The following RLF variants were observed in gnomAD, a reference collection of about 807,000 sequenced individuals.
RLF encodes RLF zinc finger.
Under a neutral mutation model 162.9 loss-of-function variants are expected in RLF, and 7 were observed. The observed-to-expected ratio is 0.04, with a 90% CI of 0.02 to 0.08. The LOEUF (loss-of-function observed/expected upper bound fraction) is 0.08, where lower values mean the gene tolerates loss of function less well. Ranked by LOEUF, RLF falls within the 10% of genes least tolerant of loss-of-function variation. RLF has a pLI of 1.00. For synonymous variants in RLF, 782 were observed against 791.5 expected, an observed-to-expected ratio of 0.99 and a Z score of 0.20; for missense variants, 1,664 against 2,244.7, an observed-to-expected ratio of 0.74 and a Z score of 5.23.
At position 40,175,678 on chromosome 1, in the gene RLF, C is replaced by T. The variant is rs555168642; in HGVS notation, c.238-13377C>T. Reference sequence around the variant, plus strand: ...AAATAATAATAATTCTCATTCTATTCGGGAGGCTGAGGCAGGAGAATCTCT... The same window carrying T: ...AAATAATAATAATTCTCATTCTATTTGGGAGGCTGAGGCAGGAGAATCTCT... On this transcript the variant is annotated intron_variant, in intron 1 of 7. Transcript: ENST00000372771. Among the ~76,000 whole-genome samples, 446 of 147,792 alleles carry T rather than the reference C, an allele frequency of 3.0e-3. 2 individuals carry two copies. The highest frequency in any genetic ancestry group is 0.011 in the African/African-American group (432 of 40,094).
intron 1 of RLF, among the ~76,000 whole-genome samples, chr1:40,178,177 A>C (rs1274182882): frequency 6.6e-6 from 1 of 152,078 alleles, no homozygotes; most frequent in Non-Finnish European, 1.5e-5. Context: ...ATTTGTTGAA[A>C]ACCTATCCTT....
Position 40,237,295 on chromosome 1 carries a change from C to A in RLF, c.2593C>A (p.His865Asn). 1 of 1,614,058 alleles carries A rather than the reference C, an allele frequency of 6.2e-7. No individual in the cohort carries two copies. The highest frequency in any genetic ancestry group is 8.5e-7 in the Non-Finnish European group (1 of 1,179,990). ...TCTACTTAACCAAACTGATAAATCA[C>A]ATTTACCTGAAGATCTTTTCTGTGC... is the stretch of plus-strand genomic sequence containing the variant. ...PHLLNQTDKS[H>N]LPEDLFCAES... The change falls in exon 8 of 8, where the codon CAT (histidine) becomes AAT (asparagine). Residue 865 changes from histidine to asparagine, a missense_variant. By Grantham distance (68) the His-to-Asn change is moderately conservative (BLOSUM62 1). Coordinates refer to ENST00000372771, the MANE Select transcript of RLF (RefSeq NM_012421.4). The surrounding 1 kb of genome is among the most constrained non-coding windows in gnomAD (Gnocchi z 4.4).
chr1:40,238,315 A>G lies in RLF; in HGVS notation c.3613A>G (p.Lys1205Glu). 6.2e-7 allele frequency: 1 copy of G among 1,614,208 alleles called. No individual in the cohort carries two copies. Among genetic ancestry groups the G allele is most frequent in the Non-Finnish European group, 8.5e-7 (1 of 1,180,016 alleles). Reference sequence around the variant, plus strand: ...AATTGGCAGTGACAGAGCAACTCACAAACTATTAGATAATGAAAAGTGTGA... The same window carrying G: ...AATTGGCAGTGACAGAGCAACTCACGAACTATTAGATAATGAAAAGTGTGA... ...HQIGSDRATH[K>E]LLDNEKCDHE... Residue 1205 changes from lysine (K) to glutamate (E), a missense_variant, in exon 8 of 8, where the codon AAA (lysine) becomes GAA (glutamate). Lys to Glu is a moderately conservative substitution (Grantham distance 56, BLOSUM62 1). Coordinates refer to ENST00000372771, the MANE Select transcript of RLF (RefSeq NM_012421.4). This position sits in a 1 kb window ranked among gnomAD's most constrained non-coding sequence, Gnocchi z 5.2.
intron 1 of RLF, among the ~76,000 whole-genome samples, chr1:40,182,747 A>G (rs1311060454): frequency 1.8e-5 from 2 of 112,590 alleles, no homozygotes; most frequent in East Asian, 2.9e-4. Flanking sequence ...ATAGACAGAT[A>G]GATAGGTAGA....
In RLF at chr1:40,237,538, G is replaced by A; in HGVS notation, c.2836G>A (p.Ala946Thr). ...SSLKEKCSSM[A>T]VCFDGTKFTC... ...TTTAAAAGAAAAATGTTCCAGTATG[G>A]CAGTTTGTTTTGACGGGACTAAGTT... is the stretch of plus-strand genomic sequence containing the variant. Residue 946 changes from alanine (A) to threonine (T), a missense_variant, in exon 8 of 8, where the codon GCA becomes ACA. Transcript: ENST00000372771. This position sits in a 1 kb window ranked among gnomAD's most constrained non-coding sequence, Gnocchi z 4.4. The A allele has an allele frequency of 6.2e-7, 1 of 1,614,056 alleles. No homozygotes were observed. The highest frequency in any genetic ancestry group is 8.5e-7 in the Non-Finnish European group (1 of 1,180,012).
At chr1:40,163,964 A>T (rs1176326298) in intron 1 of RLF, among the ~76,000 whole-genome samples, 2 of 152,226 alleles carry the variant, frequency 1.3e-5, no homozygotes, top group African/African-American at 4.8e-5. Context: ...AGAAGCAGGA[A>T]AATTTTCACC....
intron 5 of RLF, among the ~76,000 whole-genome samples, chr1:40,211,413 A>C (rs1421403354): frequency 3.9e-5 from 6 of 152,242 alleles, no homozygotes; most frequent in Non-Finnish European, 8.8e-5. Context: ...AGACATTGAT[A>C]AGCCATGGTC....
chr1:40,189,611 A>G (rs553813460), intron 2 of RLF, among the ~76,000 whole-genome samples: 2 of 152,328 alleles, frequency 1.3e-5, no homozygotes, highest in South Asian at 4.1e-4. Context: ...ATATCAGGGT[A>G]CAGTATAAGA....
At position 40,189,055 on chromosome 1, in the gene RLF, A is replaced by G; in HGVS notation, c.238A>G (p.Thr80Ala). ...SLNYCRSFCQ[T>A]LLQYASNKNA... ...AATAATTTTTAATTTTATTTTGTAG[A>G]CCTTATTGCAATATGCAAGCAACAA... Residue 80 changes from threonine to alanine, a missense_variant and splice_region_variant, in exon 2 of 8, where the codon ACC becomes GCC. By Grantham distance (58) the Thr-to-Ala change is moderately conservative. Coordinates refer to ENST00000372771, the MANE Select transcript of RLF (RefSeq NM_012421.4). The G allele has an allele frequency of 1.3e-6, 2 of 1,545,088 alleles. No homozygotes were observed. The highest frequency in any genetic ancestry group is 1.8e-6 in the Non-Finnish European group (2 of 1,138,204).
rs765630745 is a variant in RLF, at chr1:40,239,563, G to C, written c.4861G>C (p.Glu1621Gln). 3.7e-6 allele frequency: 6 copies of C among 1,614,016 alleles called. No individual in the cohort carries two copies. In the South Asian group the frequency reaches 6.6e-5, roughly 18 times the overall value. Residue 1621 changes from glutamate (E) to glutamine (Q), a missense_variant, in exon 8 of 8, where the codon GAG becomes CAG. By Grantham distance (29) the Glu-to-Gln change is conservative (BLOSUM62 2). Coordinates refer to ENST00000372771, the MANE Select transcript of RLF (RefSeq NM_012421.4). ...KKEENRSCESERTEHSHSPGD... is the reference protein window; with the variant it reads ...KKEENRSCESQRTEHSHSPGD... ...AGAAGAAAATAGAAGCTGTGAATCA[G>C]AGCGCACAGAACACAGCCATTCCCC...
intron 5 of RLF, among the ~76,000 whole-genome samples, chr1:40,216,625 C>CAAAAAAAAAA (rs553092481): frequency 1.2e-4 from 19 of 152,080 alleles, no homozygotes; most frequent in Non-Finnish European, 2.1e-4. Context: ...CTGTACAAAA[C>CAAAAAAAAAA]ATTTACGGAA....
chr1:40,181,097 G>T (rs1246694075), intron 1 of RLF, among the ~76,000 whole-genome samples: 4 of 152,182 alleles, frequency 2.6e-5, no homozygotes, highest in Non-Finnish European at 5.9e-5. Context: ...TCAGTCTATT[G>T]TATGTGAATA....
intron 3 of RLF, among the ~76,000 whole-genome samples, chr1:40,192,093 T>C (rs935371511): frequency 6.6e-6 from 1 of 152,244 alleles, no homozygotes; most frequent in African/African-American, 2.4e-5. Context: ...TATAATGTTC[T>C]CTTTAGTGAG....
At position 40,236,799 on chromosome 1, in the gene RLF, T is replaced by C. The variant is rs1643223263; in HGVS notation, c.2097T>C (p.Asn699=). The change falls in exon 8 of 8, where the codon AAT becomes AAC. Residue 699 remains asparagine (N), a synonymous_variant. Transcript: ENST00000372771. This position sits in a 1 kb window ranked among gnomAD's most constrained non-coding sequence, Gnocchi z 7.7. ...ATCTTAAAGCTGAACACCAAAATAA[T>C]GATGAAAATGCCAAGCACTACTTGG... ...SVHLKAEHQN[N]DENAKHYLDM... is the part of the protein sequence containing the mutation. The C allele has an allele frequency of 3.1e-6, 5 of 1,613,998 alleles. No homozygotes were observed. In the East Asian group the frequency reaches 6.7e-5, roughly 22 times the overall value.
chr1:40,161,396 G>A lies in RLF; in HGVS notation c.-4G>A. ...TTGCCTACGCGCTGGTGGGCCGTGG[G>A]AAGATGGCGGACGGAAAGGGAGACG... On this transcript the variant is annotated 5_prime_UTR_variant, in exon 1 of 8. Transcript: ENST00000372771. The surrounding 1 kb of genome is among the most constrained non-coding windows in gnomAD (Gnocchi z 4.4). 1 of 1,533,670 alleles carries A rather than the reference G, an allele frequency of 6.5e-7. No homozygotes were observed. The highest frequency in any genetic ancestry group is 8.7e-7 in the Non-Finnish European group (1 of 1,147,284).
chr1:40,200,454 C>T (rs1642696776), intron 4 of RLF, among the ~76,000 whole-genome samples: 1 of 152,078 alleles, frequency 6.6e-6, no homozygotes, highest in Non-Finnish European at 1.5e-5. Context: ...AAACAGCCTG[C>T]AAGTGTATCA....
chr1:40,223,980 G>A (rs746362850), intron 6 of RLF, among the ~76,000 whole-genome samples: 7 of 152,310 alleles, frequency 4.6e-5, no homozygotes, highest in South Asian at 2.1e-4. Flanking sequence ...GTGGGATAGC[G>A]ACTTAAATAT....
intron 6 of RLF, among the ~76,000 whole-genome samples, chr1:40,228,995 G>A (rs1483015024): frequency 6.6e-6 from 1 of 152,008 alleles, no homozygotes; most frequent in East Asian, 1.9e-4. Flanking sequence ...TTGGTTTTAG[G>A]GTCTTACTGC....
chr1:40,230,915 CA>C (rs1255720782), intron 6 of RLF, among the ~76,000 whole-genome samples: 2 of 152,076 alleles, frequency 1.3e-5, no homozygotes, highest in Non-Finnish European at 2.9e-5. Flanking sequence ...TTATTATTTT[CA>C]AGCTTTCCTT....
Sources: allele counts gnomAD v4.1 joint callset (sites outside exome capture counted in the v4.1 genomes callset), GRCh38; gene constraint gnomAD v4.1.1; non-coding constraint Gnocchi (gnomAD v3.1); transcripts MANE v1.5; gene names NCBI Gene and HGNC (gene_info 2026-07-23, HGNC 2026-07-21).